RPRD1A: variants seen among roughly 807,000 people sequenced by gnomAD.
RPRD1A encodes regulation of nuclear pre-mRNA domain containing 1A, also known as regulation of nuclear pre-mRNA domain-containing protein 1A.
Under a neutral mutation model 37.8 loss-of-function variants are expected in RPRD1A, and 9 were observed. That is an observed-to-expected ratio of 0.24 (90% CI 0.14 to 0.42). RPRD1A has a LOEUF of 0.42. Ranked by LOEUF, RPRD1A falls within the 10% of genes least tolerant of loss-of-function variation. RPRD1A has a pLI of 1.00. For missense variants in RPRD1A, 255 were observed against 371.0 expected, an observed-to-expected ratio of 0.69 and a Z score of 2.57; for synonymous variants, 138 against 139.7, an observed-to-expected ratio of 0.99 and a Z score of 0.08.
chr18:36,004,082 G>T (rs1374792335), intron 6 of RPRD1A, among the ~76,000 whole-genome samples: 1 of 144,202 alleles, frequency 6.9e-6, no homozygotes, highest in African/African-American at 2.6e-5. Context: ...GGGCTCAAGT[G>T]ATCCACCCAA....
At chr18:36,014,944 C>A (rs1011379692) in intron 6 of RPRD1A, among the ~76,000 whole-genome samples, 1 of 151,892 alleles carries the variant, frequency 6.6e-6, no homozygotes, top group African/African-American at 2.4e-5. Flanking sequence ...ACAGAAAACA[C>A]CAAATGTTGG....
chr18:36,001,375 G>A (rs919145179), intron 6 of RPRD1A, among the ~76,000 whole-genome samples: 41 of 152,300 alleles, frequency 2.7e-4, no homozygotes, highest in African/African-American at 9.9e-4. Flanking sequence ...TCCATAATCA[G>A]TCTTTCCACA....
intron 1 of RPRD1A, among the ~76,000 whole-genome samples, chr18:36,041,187 C>T (rs1449994130): frequency 6.6e-6 from 1 of 152,156 alleles, no homozygotes; most frequent in African/African-American, 2.4e-5. Flanking sequence ...CATTTATAAA[C>T]ATTTTTAAAA....
At chr18:36,002,381 C>A (rs965008499) in intron 6 of RPRD1A, among the ~76,000 whole-genome samples, 5 of 152,128 alleles carry the variant, frequency 3.3e-5, no homozygotes, top group African/African-American at 1.2e-4. Context: ...CCTTCCTTGG[C>A]AGTGCCCAGT....
intron 1 of RPRD1A, among the ~76,000 whole-genome samples, chr18:36,046,584 C>T (rs1166760070): frequency 6.6e-6 from 1 of 151,864 alleles, no homozygotes; most frequent in Non-Finnish European, 1.5e-5. Context: ...AATCTCAGCA[C>T]TATACGGAGG....
At chr18:36,057,051 CAAAAAAAAA>C (rs35428437) in intron 1 of RPRD1A, among the ~76,000 whole-genome samples, 153 of 44,736 alleles carry the variant, frequency 3.4e-3, no homozygotes, top group African/African-American at 0.011. Flanking sequence ...CCTGTTTCTA[CAAAAAAAAA>C]AAAAAAAAAA....
At chr18:35,996,001 C>A (rs1909029996) in intron 6 of RPRD1A, among the ~76,000 whole-genome samples, 1 of 152,076 alleles carries the variant, frequency 6.6e-6, no homozygotes, top group Non-Finnish European at 1.5e-5. Flanking sequence ...ACTGTCACAC[C>A]CAAGAGAAGC....
intron 1 of RPRD1A, among the ~76,000 whole-genome samples, chr18:36,064,704 A>G (rs1241704899): frequency 6.6e-6 from 1 of 152,204 alleles, no homozygotes; most frequent in Non-Finnish European, 1.5e-5. Context: ...GGCTGGGGCC[A>G]GATAAGAGAA....
intron 2 of RPRD1A, 75 bp from the exon 3 acceptor site, chr18:36,031,172 T>G (rs1911760959): frequency 3.6e-6 from 5 of 1,404,328 alleles, no homozygotes; most frequent in Non-Finnish European, 4.7e-6. Flanking sequence ...AGGTTAACGG[T>G]AACTTTAAAT....
chr18:36,058,923 TAA>T (rs1913977994), intron 1 of RPRD1A, among the ~76,000 whole-genome samples: 1 of 152,222 alleles, frequency 6.6e-6, no homozygotes, highest in African/African-American at 2.4e-5. Flanking sequence ...AGGCTTCTAT[TAA>T]GAGAGATCTT....
chr18:36,029,145 A>G lies in RPRD1A; in HGVS notation c.486+1663T>C, dbSNP rs12969681. ...TCCATAGTGGCCAATGGGCTTCAGC[A>G]TTCCTATCACTGAACAAACAGGTAG... On this transcript the variant is annotated intron_variant, in intron 4 of 6. Transcript: ENST00000399022. 9.8e-3 allele frequency among the ~76,000 whole-genome samples: 1,488 copies of G among 152,336 alleles called. 11 individuals carry two copies. The highest frequency in any genetic ancestry group is 0.016 in the Non-Finnish European group (1,065 of 68,026).
chr18:36,032,266 G>C (rs1027862133), intron 2 of RPRD1A, among the ~76,000 whole-genome samples: 1 of 151,798 alleles, frequency 6.6e-6, no homozygotes, highest in Non-Finnish European at 1.5e-5. Flanking sequence ...AAACTGTCTT[G>C]GTCACTACTA....
chr18:36,050,600 A>C (rs778524613), intron 1 of RPRD1A, among the ~76,000 whole-genome samples: 6 of 152,200 alleles, frequency 3.9e-5, no homozygotes, highest in Non-Finnish European at 8.8e-5. Flanking sequence ...CATTTATCCA[A>C]AAAAGATATA....
At chr18:36,060,449 G>A (rs2088885856) in intron 1 of RPRD1A, among the ~76,000 whole-genome samples, 1 of 151,990 alleles carries the variant, frequency 6.6e-6, no homozygotes, top group African/African-American at 2.4e-5. Flanking sequence ...AAATAAAAAA[G>A]AAAAATGTTC....
At position 36,026,915 on chromosome 18, in the gene RPRD1A, T is replaced by C. The variant is rs1911408875; in HGVS notation, c.774A>G (p.Lys258=). The C allele has an allele frequency of 6.2e-7, 1 of 1,613,700 alleles. No homozygotes were observed. Among genetic ancestry groups the C allele is most frequent in the East Asian group, 2.2e-5 (1 of 44,874 alleles). The change falls in exon 6 of 7, where the codon AAA becomes AAG. Residue 258 remains lysine, a synonymous_variant. Transcript: ENST00000399022. The part of the protein sequence containing the change: ...LRCQKEALAE[K]EHKLEEYKRK... ...GGTTACGCACTTCCAATTTATGCTC[T>C]TTCTCTGCAAGGGCTTCCTTTTGAC... is the stretch of plus-strand genomic sequence containing the variant.
intron 6 of RPRD1A, among the ~76,000 whole-genome samples, chr18:36,014,072 T>C (rs917277777): frequency 6.6e-6 from 1 of 152,320 alleles, no homozygotes; most frequent in South Asian, 2.1e-4. Flanking sequence ...CACACCTACA[T>C]ACACATACAT....
intron 6 of RPRD1A, among the ~76,000 whole-genome samples, chr18:36,009,231 C>A (rs1166105528): frequency 6.6e-6 from 1 of 152,102 alleles, no homozygotes; most frequent in Non-Finnish European, 1.5e-5. Context: ...CATGGATTAT[C>A]CCAGCAACTG....
intron 6 of RPRD1A, among the ~76,000 whole-genome samples, chr18:36,008,575 G>GTATATATATATATATATATA (rs201194752): frequency 0.011 from 451 of 42,332 alleles, 31 homozygotes; most frequent in African/African-American, 0.025. Context: ...GACCTTGTGT[G>GTATATATATATATATATATA]TGTATATATA....
intron 1 of RPRD1A, among the ~76,000 whole-genome samples, chr18:36,039,994 T>C (rs529006134): frequency 6.9e-4 from 105 of 152,300 alleles, no homozygotes; most frequent in Non-Finnish European, 1.4e-3. Flanking sequence ...AAAAGTCATT[T>C]TGAAACAAAA....
Sources: gnomAD v4.1 joint callset for allele counts (sites outside exome capture counted in the v4.1 genomes callset) on GRCh38, gnomAD v4.1.1 for gene constraint, MANE v1.5 for transcripts, NCBI Gene and HGNC (gene_info 2026-07-23, HGNC 2026-07-21) for gene names.